CPNE4: variants seen among roughly 807,000 people sequenced by gnomAD.
The protein encoded by CPNE4 is copine 4.
In CPNE4, 25 loss-of-function variants were observed where a neutral mutation model predicts 67.9. The observed-to-expected ratio is 0.37, with a 90% CI of 0.27 to 0.51. The LOEUF (loss-of-function observed/expected upper bound fraction) is 0.51. CPNE4 is among the 20% of genes least tolerant of loss of function. CPNE4 has a pLI of 0.93. For synonymous variants in CPNE4, 242 were observed against 244.9 expected (o/e 0.99, Z 0.11); for missense variants, 464 against 690.8 (o/e 0.67, Z 3.68).
intron 1 of CPNE4, among the ~76,000 whole-genome samples, chr3:132,004,777 G>A (rs1160301802): frequency 6.6e-6 from 1 of 152,042 alleles, no homozygotes; most frequent in East Asian, 1.9e-4. Flanking sequence ...TTAAGCATTT[G>A]GAAACGAATG....
At chr3:131,836,221 C>T (rs375450851) in intron 2 of CPNE4, among the ~76,000 whole-genome samples, 16 of 152,176 alleles carry the variant, frequency 1.1e-4, no homozygotes, top group African/African-American at 3.6e-4. Context: ...AAATTCTCAA[C>T]AAAATGTAAA....
intron 2 of CPNE4, among the ~76,000 whole-genome samples, chr3:131,886,298 G>C (rs1038673565): frequency 6.6e-6 from 1 of 152,182 alleles, no homozygotes; most frequent in Non-Finnish European, 1.5e-5. Context: ...CTTCCACGTG[G>C]TGTTGAGCCT....
At chr3:131,582,741 A>G (rs1476963154) in intron 8 of CPNE4, among the ~76,000 whole-genome samples, 3 of 152,172 alleles carry the variant, frequency 2.0e-5, no homozygotes, top group Non-Finnish European at 4.4e-5. Context: ...GCTTCTGGGA[A>G]GTTTTCAGGG....
At chr3:131,687,267 A>AC (rs2080915158) in intron 5 of CPNE4, among the ~76,000 whole-genome samples, 1 of 152,158 alleles carries the variant, frequency 6.6e-6, no homozygotes, top group Admixed American at 6.5e-5. Context: ...CTTGATTTTT[A>AC]CCCCCAGTAG....
chr3:131,842,452 TTG>T (rs1328710348), intron 2 of CPNE4, among the ~76,000 whole-genome samples: 1 of 152,206 alleles, frequency 6.6e-6, no homozygotes, highest in Non-Finnish European at 1.5e-5. Context: ...TTCCTCTGTG[TTG>T]TGTAGTTATA....
chr3:132,010,070 G>A (rs1297331187), intron 1 of CPNE4, among the ~76,000 whole-genome samples: 1 of 152,190 alleles, frequency 6.6e-6, no homozygotes, highest in Non-Finnish European at 1.5e-5. Context: ...GTATAGGGAG[G>A]CATGGGGCGT....
chr3:131,549,854 G>T, intron 14 of CPNE4, 93 bp downstream of exon 14: 1 of 1,414,288 alleles, frequency 7.1e-7, no homozygotes, highest in Non-Finnish European at 9.8e-7. Context: ...GAGAAGTGTT[G>T]GAATTTATTG....
rs139577400 is a variant in CPNE4 at position 131,825,138 on chromosome 3, G to A, written c.180+80126C>T. On this transcript the variant is annotated intron_variant, in intron 2 of 15. Coordinates refer to ENST00000429747, the MANE Select transcript of CPNE4 (RefSeq NM_130808.3). ...CCAAATGAAAGTAATAGTGAGAAACGGGGTCCATATGAGCAGTTTTTGCAG... is the reference window on the plus strand; with the variant it reads ...CCAAATGAAAGTAATAGTGAGAAACAGGGTCCATATGAGCAGTTTTTGCAG... 5.3e-5 allele frequency among the ~76,000 whole-genome samples: 8 copies of A among 152,184 alleles called. No homozygotes were observed. The East Asian group carries it at 5.8e-4, about 11-fold the overall frequency.
At chr3:131,743,536 C>T (rs1409150193) in intron 2 of CPNE4, among the ~76,000 whole-genome samples, 1 of 152,106 alleles carries the variant, frequency 6.6e-6, no homozygotes, top group African/African-American at 2.4e-5. Context: ...TTGGCAAAAG[C>T]ATCCAGTGGT....
chr3:131,839,146 A>T (rs960175888), intron 2 of CPNE4, among the ~76,000 whole-genome samples: 1 of 151,964 alleles, frequency 6.6e-6, no homozygotes, highest in Non-Finnish European at 1.5e-5. Flanking sequence ...AGGTGAGGAC[A>T]AGAATTGTGT....
chr3:131,914,447 A>C (rs1472047951), intron 1 of CPNE4, among the ~76,000 whole-genome samples: 1 of 151,820 alleles, frequency 6.6e-6, no homozygotes, highest in Non-Finnish European at 1.5e-5. Flanking sequence ...TTTAGATTTT[A>C]GATTCTTTCT....
At chr3:131,965,581 T>G (rs1291066938) in intron 1 of CPNE4, among the ~76,000 whole-genome samples, 1 of 152,194 alleles carries the variant, frequency 6.6e-6, no homozygotes, top group Non-Finnish European at 1.5e-5. Context: ...AATGCTAGTC[T>G]CTGATAAAAC....
Position 131,575,146 on chromosome 3 carries a change from G to A in CPNE4, c.868-16C>T. 1 of 1,610,288 alleles carries A rather than the reference G, an allele frequency of 6.2e-7. No individual in the cohort carries two copies. Among genetic ancestry groups the A allele is most frequent in the Non-Finnish European group, 8.5e-7 (1 of 1,176,966 alleles). ...TCTTGTGAATCTGCATAGGAGGGGA[G>A]AGGAAACTGGGTTAATAACAGCACA... On this transcript the variant is annotated splice_polypyrimidine_tract_variant and intron_variant, in intron 9 of 15. Coordinates refer to ENST00000429747, the MANE Select transcript of CPNE4 (RefSeq NM_130808.3).
At chr3:131,599,429 AG>A (rs1432075078) in intron 7 of CPNE4, among the ~76,000 whole-genome samples, 1 of 152,210 alleles carries the variant, frequency 6.6e-6, no homozygotes, top group Non-Finnish European at 1.5e-5. Context: ...GGGAGTTAAA[AG>A]AAAACCTTTC....
At chr3:131,789,648 A>C (rs553295144) in intron 2 of CPNE4, among the ~76,000 whole-genome samples, 1 of 152,318 alleles carries the variant, frequency 6.6e-6, no homozygotes, top group African/African-American at 2.4e-5. Flanking sequence ...TTATTCAATG[A>C]GGCATTTAAT....
At chr3:131,616,601 C>T (rs1582897989) in intron 7 of CPNE4, among the ~76,000 whole-genome samples, 1 of 152,186 alleles carries the variant, frequency 6.6e-6, no homozygotes, top group African/African-American at 2.4e-5. Flanking sequence ...GCTTCTTGGT[C>T]CCATTACCCT....
intron 3 of CPNE4, among the ~76,000 whole-genome samples, chr3:131,702,594 G>C (rs1159537957): frequency 6.6e-6 from 1 of 152,152 alleles, no homozygotes; most frequent in Non-Finnish European, 1.5e-5. Context: ...CTACTCCCCT[G>C]ATGTCAGGAG....
chr3:131,810,557 A>G (rs916552124), intron 2 of CPNE4, among the ~76,000 whole-genome samples: 4 of 152,090 alleles, frequency 2.6e-5, no homozygotes, highest in African/African-American at 9.7e-5. Flanking sequence ...AGGATTTGGC[A>G]GAAAGGGAAC....
At chr3:131,753,626 A>C (rs1471928351) in intron 2 of CPNE4, among the ~76,000 whole-genome samples, 1 of 152,192 alleles carries the variant, frequency 6.6e-6, no homozygotes, top group Non-Finnish European at 1.5e-5. Flanking sequence ...GAACATAAAC[A>C]GATAATTCAC....
Sources: allele counts gnomAD v4.1 joint callset (sites outside exome capture counted in the v4.1 genomes callset), GRCh38; gene constraint gnomAD v4.1.1; transcripts MANE v1.5; gene names NCBI Gene and HGNC (gene_info 2026-07-23, HGNC 2026-07-21).